The following SAP30L variants were observed in gnomAD, a reference collection of about 807,000 sequenced individuals.
SAP30L encodes the protein histone deacetylase complex subunit SAP30L.
A neutral mutation model predicts 22.3 loss-of-function variants in SAP30L; 10 were observed. The ratio of observed to expected loss-of-function variants is 0.45; its 90% CI spans 0.28 to 0.76. SAP30L has a LOEUF of 0.76. Ranked by LOEUF, SAP30L falls within the 30% of genes least tolerant of loss-of-function variation. The pLI is 0.14. For missense variants in SAP30L, 206 were observed against 237.9 expected, an observed-to-expected ratio of 0.87 and a Z score of 0.88; for synonymous variants, 91 against 94.1, an observed-to-expected ratio of 0.97 and a Z score of 0.19.
At position 154,446,450 on chromosome 5, in the gene SAP30L, G is replaced by A; in HGVS notation, c.-155G>A. The A allele has an allele frequency of 1.8e-6, 1 of 548,394 alleles. No individual in the cohort carries two copies. Among genetic ancestry groups the A allele is most frequent in the Non-Finnish European group, 2.9e-6 (1 of 349,776 alleles). 34.0% of individuals were successfully genotyped at this position (548,394 alleles called of 1,614,324 possible). A position where few individuals can be genotyped will look rare whatever the true frequency, so the allele number is the denominator to read the frequency against. On this transcript the variant is annotated 5_prime_UTR_variant, in exon 1 of 4. Coordinates refer to ENST00000297109, the MANE Select transcript of SAP30L (RefSeq NM_024632.6). The stretch of plus-strand genomic sequence containing the variant: ...GGAGGGCCGGGGGCCGAGGGAGCCG[G>A]GCCTCTCGGACGCGGGGCAGGGCAG...
chr5:154,452,743 A>AGTTCTTCGCACT (rs112253650), intron 2 of SAP30L, among the ~76,000 whole-genome samples: 2 of 151,710 alleles, frequency 1.3e-5, no homozygotes, highest in African/African-American at 4.8e-5. Context: ...TGAGGATAAC[A>AGTTCTTCGCACT]GCCCTCCTTT....
chr5:154,453,448 G>T lies in SAP30L; in HGVS notation c.371G>T (p.Arg124Leu). The T allele has an allele frequency of 1.2e-6, 2 of 1,614,072 alleles. No homozygotes were observed. The highest frequency in any genetic ancestry group is 8.5e-7 in the Non-Finnish European group (1 of 1,179,982). Residue 124 changes from arginine to leucine, a missense_variant, in exon 3 of 4, where the codon CGA (arginine) becomes CTA (leucine). Arg to Leu is a moderately radical substitution (Grantham distance 102). Coordinates refer to ENST00000297109, the MANE Select transcript of SAP30L (RefSeq NM_024632.6). ...GTGAACACCCTACGACGTTATAAAC[G>T]ACACTACAAGTTGCAGACCAGACCA... ...LQVNTLRRYK[R>L]HYKLQTRPGF...
chr5:154,446,375 G>C lies in SAP30L; in HGVS notation c.-230G>C. 2.6e-6 allele frequency: 1 copy of C among 391,080 alleles called. No individual in the cohort carries two copies. The highest frequency in any genetic ancestry group is 6.6e-4 in the Middle Eastern group (1 of 1,504). 24.2% of individuals were successfully genotyped at this position (391,080 alleles called of 1,614,324 possible). ...CCCCCGGCGGGGCCCTGCGAGCCGCGGGAGCCGACCCCGGGGCCTCGAGCC... is the reference window on the plus strand; with the variant it reads ...CCCCCGGCGGGGCCCTGCGAGCCGCCGGAGCCGACCCCGGGGCCTCGAGCC... On this transcript the variant is annotated 5_prime_UTR_variant, in exon 1 of 4. Transcript: ENST00000297109.
In SAP30L at chr5:154,460,150, C is replaced by A. The variant is rs1414102151; in HGVS notation, c.*4122C>A. The A allele has an allele frequency of 6.6e-6, 1 of 152,222 alleles. No homozygotes were observed. Among genetic ancestry groups the A allele is most frequent in the East Asian group, 1.9e-4 (1 of 5,196 alleles). The allele number at this position is 152,222 out of a possible 1,614,324, so 9.4% of individuals were successfully genotyped here. On this transcript the variant is annotated 3_prime_UTR_variant, in exon 4 of 4. Coordinates refer to ENST00000297109, the MANE Select transcript of SAP30L (RefSeq NM_024632.6). ...AAAATTGAGCAGAAATTCCCAAGGCCAACCTAGCTCTCAGGGACCAACCTG... is the reference window on the plus strand; with the variant it reads ...AAAATTGAGCAGAAATTCCCAAGGCAAACCTAGCTCTCAGGGACCAACCTG...
At chr5:154,453,536 C>T in intron 3 of SAP30L, 36 bp downstream of exon 3, 1 of 1,314,260 alleles carries the variant, frequency 7.6e-7, no homozygotes, top group Non-Finnish European at 1.1e-6. Flanking sequence ...AGAGAGCCAG[C>T]ATTGTGCTGC....
chr5:154,446,799 C>A lies in SAP30L; in HGVS notation c.195C>A (p.Asp65Glu). ...AGAAGAAACTCAAGCTGGACATCGA[C>A]AAGAGCGTGAGTCCGCCCCCGCTCG... The part of the protein sequence containing the change: ...ISQKKLKLDI[D>E]KSVRHLYICD... Residue 65 changes from aspartate to glutamate, a missense_variant, in exon 1 of 4, where the codon GAC becomes GAA. Asp to Glu is a conservative substitution (Grantham distance 45, BLOSUM62 2). Coordinates refer to ENST00000297109, the MANE Select transcript of SAP30L (RefSeq NM_024632.6). The A allele has an allele frequency of 6.2e-7, 1 of 1,603,144 alleles. No individual in the cohort carries two copies. Among genetic ancestry groups the A allele is most frequent in the African/African-American group, 1.3e-5 (1 of 74,112 alleles).
At chr5:154,453,546 C>A in intron 3 of SAP30L, 46 bp downstream of exon 3, 4 of 1,232,502 alleles carry the variant, frequency 3.2e-6, no homozygotes, top group Non-Finnish European at 4.8e-6. Flanking sequence ...CATTGTGCTG[C>A]TTCTGATGGT....
Position 154,450,913 on chromosome 5 carries a change from A to G in SAP30L, c.202-178A>G, listed in dbSNP as rs1757124027. 3.9e-5 allele frequency among the ~76,000 whole-genome samples: 6 copies of G among 152,318 alleles called. No individual in the cohort carries two copies. In the South Asian group the frequency reaches 1.2e-3, roughly 32 times the overall value. On this transcript the variant is annotated intron_variant, in intron 1 of 3. Coordinates refer to ENST00000297109, the MANE Select transcript of SAP30L (RefSeq NM_024632.6). The stretch of plus-strand genomic sequence containing the variant: ...ATGATACGCTGCCAAGTGTGATGTT[A>G]GCATTCTCTTTGTGTTCTGCAACTC...
At chr5:154,452,674 TC>T (rs1561701950) in intron 2 of SAP30L, among the ~76,000 whole-genome samples, 1 of 151,682 alleles carries the variant, frequency 6.6e-6, no homozygotes, top group African/African-American at 2.4e-5. Flanking sequence ...TTTTGAACTT[TC>T]TCTGGAGGGA....
chr5:154,453,359 G>A, intron 2 of SAP30L, 43 bp from the exon 3 acceptor site: 1 of 1,413,394 alleles, frequency 7.1e-7, no homozygotes, highest in Non-Finnish European at 1.0e-6. Flanking sequence ...GTGAGTCCTG[G>A]GTGGTCAGGT....
At chr5:154,448,343 G>A (rs1306175632) in intron 1 of SAP30L, among the ~76,000 whole-genome samples, 1 of 152,154 alleles carries the variant, frequency 6.6e-6, no homozygotes, top group East Asian at 1.9e-4. Context: ...TACAGTTGCA[G>A]CTCTTGCATG....
intron 2 of SAP30L, chr5:154,452,556 C>G: frequency 2.3e-6 from 2 of 854,572 alleles, no homozygotes; most frequent in Non-Finnish European, 2.8e-6. Context: ...CAGCTTTCCT[C>G]TCTTCCTTTG....
rs1757260345 is a variant in SAP30L at position 154,456,173 on chromosome 5, G to A, written c.*145G>A. Reference sequence around the variant, plus strand: ...TACTGTAAATCTTTTTGGTCAGGAGGATTATATTCTCATGATTCAGCATGT... The same window carrying A: ...TACTGTAAATCTTTTTGGTCAGGAGAATTATATTCTCATGATTCAGCATGT... On this transcript the variant is annotated 3_prime_UTR_variant, in exon 4 of 4. Transcript: ENST00000297109. The A allele has an allele frequency of 1.3e-6, 1 of 763,146 alleles. No homozygotes were observed. Among genetic ancestry groups the A allele is most frequent in the African/African-American group, 1.8e-5 (1 of 56,218 alleles). The allele number at this position is 763,146 out of a possible 1,614,324, so 47.3% of individuals were successfully genotyped here. A position where few individuals can be genotyped will look rare whatever the true frequency, so the allele number is the denominator to read the frequency against.
At chr5:154,447,487 T>G (rs114789167) in intron 1 of SAP30L, among the ~76,000 whole-genome samples, 12 of 152,238 alleles carry the variant, frequency 7.9e-5, no homozygotes, top group African/African-American at 1.9e-4. Flanking sequence ...TGTGGCTTAT[T>G]ATAGGAAACT....
chr5:154,449,162 C>T, intron 1 of SAP30L, among the ~76,000 whole-genome samples: 1 of 152,178 alleles, frequency 6.6e-6, no homozygotes, highest in East Asian at 1.9e-4. Context: ...AAATTCAATT[C>T]AGGCTGTTTA....
chr5:154,446,675 G>A lies in SAP30L; in HGVS notation c.71G>A (p.Gly24Asp). ...GCCGCCCCAGCTGCCGCCGCCCCGGGCTACGGCCAGAGCTGCTGCCTCATC... is the reference window on the plus strand; with the variant it reads ...GCCGCCCCAGCTGCCGCCGCCCCGGACTACGGCCAGAGCTGCTGCCTCATC... ...PPAAPAAAAPGYGQSCCLIED... is the reference protein window; with the variant it reads ...PPAAPAAAAPDYGQSCCLIED... The change falls in exon 1 of 4, where the codon GGC becomes GAC. Residue 24 changes from glycine to aspartate, a missense_variant. Around this residue, in one of 2 missense-constraint regions of SAP30L, gnomAD observed 70 missense variants for 50.5 expected, o/e 1.39. Transcript: ENST00000297109. The A allele has an allele frequency of 6.4e-7, 1 of 1,561,026 alleles. No individual in the cohort carries two copies. Among genetic ancestry groups the A allele is most frequent in the Non-Finnish European group, 8.6e-7 (1 of 1,156,596 alleles).
rs746253180 is a variant in SAP30L, at chr5:154,446,665, G to A, written c.61G>A (p.Ala21Thr). Residue 21 changes from alanine to threonine, a missense_variant, in exon 1 of 4, where the codon GCC (alanine) becomes ACC (threonine). Physicochemically the swap from Ala to Thr is moderately conservative, Grantham distance 58 (BLOSUM62 0). Coordinates refer to ENST00000297109, the MANE Select transcript of SAP30L (RefSeq NM_024632.6). ...REGPPAAPAAAAPGYGQSCCL... is the reference protein window; with the variant it reads ...REGPPAAPAATAPGYGQSCCL... ...AGGGCCCCCCGCCGCCCCAGCTGCC[G>A]CCGCCCCGGGCTACGGCCAGAGCTG... 2 of 1,549,326 alleles carry A rather than the reference G, an allele frequency of 1.3e-6. No individual in the cohort carries two copies. Among genetic ancestry groups the A allele is most frequent in the Non-Finnish European group, 1.7e-6 (2 of 1,151,400 alleles).
At position 154,456,157 on chromosome 5, in the gene SAP30L, T is replaced by G. The variant is rs1757260116; in HGVS notation, c.*129T>G. The G allele has an allele frequency of 1.1e-6, 1 of 944,042 alleles. No homozygotes were observed. The highest frequency in any genetic ancestry group is 3.4e-5 in the Admixed American group (1 of 29,048). The allele number at this position is 944,042 out of a possible 1,614,324, so 58.5% of individuals were successfully genotyped here. A position where few individuals can be genotyped will look rare whatever the true frequency, so the allele number is the denominator to read the frequency against. ...AAGTTTGAATGATGAATACTGTAAA[T>G]CTTTTTGGTCAGGAGGATTATATTC... On this transcript the variant is annotated 3_prime_UTR_variant, in exon 4 of 4. Coordinates refer to ENST00000297109, the MANE Select transcript of SAP30L (RefSeq NM_024632.6).
intron 2 of SAP30L, chr5:154,452,522 G>A: frequency 1.0e-6 from 1 of 979,710 alleles, no homozygotes; most frequent in South Asian, 4.7e-5. Flanking sequence ...CAACTTTATG[G>A]GCCTTCAATT....
Sources: allele counts gnomAD v4.1 joint callset (sites outside exome capture counted in the v4.1 genomes callset), GRCh38; gene constraint gnomAD v4.1.1; regional missense constraint gnomAD v4.1.1; transcripts MANE v1.5; gene names NCBI Gene and HGNC (gene_info 2026-07-23, HGNC 2026-07-21).